DPP10: variants seen among roughly 807,000 people sequenced by gnomAD.
The protein encoded by DPP10 is dipeptidyl peptidase like 10.
A neutral mutation model predicts 120.9 loss-of-function variants in DPP10; 33 were observed. That is an observed-to-expected ratio of 0.27 (90% confidence interval 0.21 to 0.37). DPP10 has a LOEUF of 0.37. Ranked by LOEUF, DPP10 falls within the 10% of genes least tolerant of loss-of-function variation. The pLI is 1.00. For synonymous variants in DPP10, 337 were observed against 326.1 expected (o/e 1.03, Z -0.36); for missense variants, 816 against 942.8 (o/e 0.87, Z 1.76).
chr2:115,740,329 T>C (rs1677097135), intron 9 of DPP10, among the ~76,000 whole-genome samples: 1 of 152,090 alleles, frequency 6.6e-6, no homozygotes, highest in African/African-American at 2.4e-5. Flanking sequence ...CTTAGAGCAC[T>C]TAATGTGCTA....
chr2:114,466,645 T>C (rs1375906202), intron 1 of DPP10, among the ~76,000 whole-genome samples: 2 of 152,178 alleles, frequency 1.3e-5, no homozygotes, highest in Non-Finnish European at 2.9e-5. Context: ...TTAATGTAGG[T>C]AAGGAGCATA....
At chr2:114,943,697 A>G (rs1205168979) in intron 1 of DPP10, among the ~76,000 whole-genome samples, 1 of 152,258 alleles carries the variant, frequency 6.6e-6, no homozygotes, top group Non-Finnish European at 1.5e-5. Context: ...AAAATGATTT[A>G]TAATCCTTTG....
At chr2:114,900,780 T>G (rs1693495937) in intron 1 of DPP10, among the ~76,000 whole-genome samples, 1 of 152,200 alleles carries the variant, frequency 6.6e-6, no homozygotes, top group Non-Finnish European at 1.5e-5. Context: ...ATGTGAAGGT[T>G]AAAAGTTCCC....
chr2:115,466,208 C>T (rs2074315385), intron 3 of DPP10, among the ~76,000 whole-genome samples: 2 of 152,186 alleles, frequency 1.3e-5, no homozygotes, highest in South Asian at 4.1e-4. Flanking sequence ...GTCTCCCTAT[C>T]TCCCACCTGG....
intron 4 of DPP10, among the ~76,000 whole-genome samples, chr2:115,517,777 G>C (rs550093467): frequency 3.0e-4 from 46 of 152,250 alleles, no homozygotes; most frequent in African/African-American, 1.1e-3. Flanking sequence ...GTAGATATCT[G>C]TCTTATCTAT....
rs142744619 is a variant in DPP10, at chr2:115,645,722, T to G, written c.442-43965T>G. Among the ~76,000 whole-genome samples the G allele has an allele frequency of 7.2e-5, 11 of 152,262 alleles. No individual in the cohort carries two copies. In the East Asian group the frequency reaches 2.1e-3, roughly 29 times the overall value. Reference sequence around the variant, plus strand: ...AAACCATTAAGTTCTTAGGCACATTTGCAAAAATGACTCATTATATAACAT... The same window carrying G: ...AAACCATTAAGTTCTTAGGCACATTGGCAAAAATGACTCATTATATAACAT... On this transcript the variant is annotated intron_variant, in intron 5 of 25. Coordinates refer to ENST00000410059, the MANE Select transcript of DPP10 (RefSeq NM_020868.6).
At chr2:114,620,525 C>A (rs1694012935) in intron 1 of DPP10, among the ~76,000 whole-genome samples, 1 of 151,908 alleles carries the variant, frequency 6.6e-6, no homozygotes. Context: ...AGTAAAAAAA[C>A]CTATTATAGA....
At chr2:115,799,929 T>C (rs1157301896) in intron 19 of DPP10, among the ~76,000 whole-genome samples, 1 of 152,098 alleles carries the variant, frequency 6.6e-6, no homozygotes, top group Non-Finnish European at 1.5e-5. Flanking sequence ...GCATGATTTA[T>C]AATCCTTTGG....
chr2:115,776,855 C>G (rs1682163032), intron 13 of DPP10, among the ~76,000 whole-genome samples: 1 of 69,422 alleles, frequency 1.4e-5, no homozygotes, highest in Admixed American at 2.1e-4. Context: ...AAAGTTTGTT[C>G]TAAAATGTTT....
intron 1 of DPP10, among the ~76,000 whole-genome samples, chr2:114,514,786 C>CTT (rs145530478): frequency 2.2e-4 from 32 of 148,284 alleles, no homozygotes; most frequent in Non-Finnish European, 3.9e-4. Context: ...TTTTTTGTTC[C>CTT]TTTTTTTTTC....
At chr2:115,672,559 A>C (rs1477015299) in intron 5 of DPP10, among the ~76,000 whole-genome samples, 1 of 151,888 alleles carries the variant, frequency 6.6e-6, no homozygotes, top group African/African-American at 2.4e-5. Context: ...AACATTTAAA[A>C]ATTTTTATCT....
intron 1 of DPP10, among the ~76,000 whole-genome samples, chr2:114,944,852 C>T (rs994848444): frequency 6.6e-6 from 1 of 152,064 alleles, no homozygotes; most frequent in Non-Finnish European, 1.5e-5. Flanking sequence ...GGAGTTTTTG[C>T]AATGACTTAG....
At chr2:114,636,650 G>A (rs1268598775) in intron 1 of DPP10, among the ~76,000 whole-genome samples, 1 of 151,888 alleles carries the variant, frequency 6.6e-6, no homozygotes, top group Non-Finnish European at 1.5e-5. Context: ...CCTTGAATCA[G>A]GACAGAGAAA....
At chr2:115,752,256 T>C (rs1319833894) in intron 10 of DPP10, among the ~76,000 whole-genome samples, 1 of 152,350 alleles carries the variant, frequency 6.6e-6, no homozygotes, top group Admixed American at 6.5e-5. Flanking sequence ...GTTCTGAAAC[T>C]GGGCAAGTTT....
intron 1 of DPP10, among the ~76,000 whole-genome samples, chr2:115,079,747 TA>T (rs1231195269): frequency 1.3e-5 from 2 of 152,174 alleles, no homozygotes; most frequent in Non-Finnish European, 2.9e-5. Flanking sequence ...GGGTCAGTAC[TA>T]AATCGCAAAG....
chr2:115,836,427 G>A, intron 22 of DPP10, 80 bp from the exon 23 acceptor site: 5 of 1,535,536 alleles, frequency 3.3e-6, no homozygotes, highest in Non-Finnish European at 4.4e-6. Context: ...ACAATTAAAT[G>A]TAAAATGAAG....
At chr2:115,626,467 T>C (rs1429804006) in intron 5 of DPP10, among the ~76,000 whole-genome samples, 1 of 152,122 alleles carries the variant, frequency 6.6e-6, no homozygotes. Context: ...ATTTCAATAT[T>C]ACCATTTCCC....
chr2:115,696,681 G>A (rs10201225), intron 7 of DPP10, among the ~76,000 whole-genome samples: 7,840 of 152,054 alleles, frequency 0.052, 675 homozygotes, highest in African/African-American at 0.18. Context: ...TAAAGATCCC[G>A]GTAAATGTAA....
At chr2:114,670,689 GAAA>G (rs1324109691) in intron 1 of DPP10, among the ~76,000 whole-genome samples, 1 of 151,872 alleles carries the variant, frequency 6.6e-6, no homozygotes, top group Non-Finnish European at 1.5e-5. Flanking sequence ...ATAATAATAA[GAAA>G]AATTATTTTT....
Sources: allele counts gnomAD v4.1 joint callset (sites outside exome capture counted in the v4.1 genomes callset), GRCh38; gene constraint gnomAD v4.1.1; transcripts MANE v1.5; gene names NCBI Gene and HGNC (gene_info 2026-07-23, HGNC 2026-07-21).